GALNTL6: variants seen among roughly 807,000 people sequenced by gnomAD.
The protein encoded by GALNTL6 is polypeptide N-acetylgalactosaminyltransferase-like 6.
Under a neutral mutation model 73.7 loss-of-function variants are expected in GALNTL6, and 46 were observed. The observed-to-expected ratio is 0.62, with a 90% CI of 0.49 to 0.80. The LOEUF (loss-of-function observed/expected upper bound fraction) is 0.80. Among genes scored for constraint, GALNTL6 ranks in the 30% least tolerant of loss-of-function variants. The probability of loss-of-function intolerance (pLI) is 0.00; values close to 1 mark genes in which losing one functional copy is unlikely to be tolerated. For missense variants in GALNTL6, 604 were observed against 755.0 expected, an observed-to-expected ratio of 0.80 and a Z score of 2.34; for synonymous variants, 259 against 263.7, an observed-to-expected ratio of 0.98 and a Z score of 0.17.
intron 5 of GALNTL6, among the ~76,000 whole-genome samples, chr4:172,610,832 A>C (rs1738499164): frequency 6.6e-6 from 1 of 152,040 alleles, no homozygotes; most frequent in Non-Finnish European, 1.5e-5. Context: ...GGCTTTTTAT[A>C]GGTCTCTAAG....
chr4:172,527,382 A>C (rs1215208375), intron 5 of GALNTL6, among the ~76,000 whole-genome samples: 2 of 152,202 alleles, frequency 1.3e-5, no homozygotes, highest in African/African-American at 2.4e-5. Context: ...GTTTGTTTAA[A>C]ATTATTGTAA....
chr4:172,345,819 A>G (rs1218781607), intron 4 of GALNTL6, among the ~76,000 whole-genome samples: 1 of 152,240 alleles, frequency 6.6e-6, no homozygotes, highest in East Asian at 1.9e-4. Context: ...GAAAGTAGCC[A>G]GTAAAAGATG....
chr4:172,008,923 A>G (rs150100519), intron 2 of GALNTL6, among the ~76,000 whole-genome samples: 50 of 152,254 alleles, frequency 3.3e-4, no homozygotes, highest in South Asian at 1.2e-3. Flanking sequence ...AAAGAAACAA[A>G]AAGTTACATG....
intron 2 of GALNTL6, among the ~76,000 whole-genome samples, chr4:172,185,571 C>A (rs1051823214): frequency 6.6e-6 from 1 of 152,162 alleles, no homozygotes; most frequent in Non-Finnish European, 1.5e-5. Flanking sequence ...GATAAATCAT[C>A]TTTTTTGATA....
At chr4:173,022,094 G>A (rs1405331099) in intron 12 of GALNTL6, among the ~76,000 whole-genome samples, 803 of 99,908 alleles carry the variant, frequency 8.0e-3, no homozygotes, top group Non-Finnish European at 0.011. Context: ...AAGGAAAGAA[G>A]GAAGGAAGGA....
At chr4:172,314,600 C>CTTTTTTTT (rs773057515) in intron 4 of GALNTL6, among the ~76,000 whole-genome samples, 19 of 70,712 alleles carry the variant, frequency 2.7e-4, no homozygotes, top group African/African-American at 3.7e-4. Flanking sequence ...AATGCGTAGG[C>CTTTTTTTT]TTTTTTTTTT....
chr4:172,485,260 T>C (rs1233633903), intron 5 of GALNTL6, among the ~76,000 whole-genome samples: 1 of 152,124 alleles, frequency 6.6e-6, no homozygotes, highest in African/African-American at 2.4e-5. Flanking sequence ...GGTGTTTGTG[T>C]ACCACATAGA....
intron 2 of GALNTL6, among the ~76,000 whole-genome samples, chr4:172,209,328 T>C (rs1736250290): frequency 6.6e-6 from 1 of 152,002 alleles, no homozygotes; most frequent in Non-Finnish European, 1.5e-5. Context: ...GAGATTGATA[T>C]TATTTAATAG....
intron 2 of GALNTL6, among the ~76,000 whole-genome samples, chr4:172,161,282 C>A (rs1292516650): frequency 6.6e-6 from 1 of 151,590 alleles, no homozygotes; most frequent in African/African-American, 2.4e-5. Flanking sequence ...TATATGAATA[C>A]CTTTATGTAT....
At chr4:172,214,920 T>C (rs1425900323) in intron 2 of GALNTL6, among the ~76,000 whole-genome samples, 4 of 152,166 alleles carry the variant, frequency 2.6e-5, no homozygotes, top group East Asian at 1.9e-4. Context: ...TCTTTTCTAA[T>C]GTATGCATTA....
At chr4:172,553,348 T>C (rs1443065426) in intron 5 of GALNTL6, among the ~76,000 whole-genome samples, 4 of 152,200 alleles carry the variant, frequency 2.6e-5, no homozygotes, top group Admixed American at 6.6e-5. Context: ...GTCTTGCTAT[T>C]TCTTGAATAG....
At chr4:172,747,410 G>A (rs1737171369) in intron 5 of GALNTL6, among the ~76,000 whole-genome samples, 1 of 151,712 alleles carries the variant, frequency 6.6e-6, no homozygotes, top group African/African-American at 2.4e-5. Context: ...TAGATAAAGT[G>A]GAAAAATGTT....
At chr4:172,380,200 G>T (rs568704976) in intron 5 of GALNTL6, 2 of 1,007,936 alleles carry the variant, frequency 2.0e-6, no homozygotes. Flanking sequence ...GCAGGGCTGG[G>T]GACCACTTAC....
intron 5 of GALNTL6, among the ~76,000 whole-genome samples, chr4:172,466,078 G>A (rs548442676): frequency 1.0e-3 from 156 of 152,182 alleles, no homozygotes; most frequent in African/African-American, 3.0e-3. Flanking sequence ...CATAAAATGC[G>A]TCTTTAATAA....
chr4:172,918,222 C>T (rs1382179067), intron 8 of GALNTL6, among the ~76,000 whole-genome samples: 2 of 151,966 alleles, frequency 1.3e-5, no homozygotes, highest in African/African-American at 2.4e-5. Context: ...GGGAACATCA[C>T]ACATTGGGGC....
chr4:172,804,343 C>T (rs571212823), intron 5 of GALNTL6, among the ~76,000 whole-genome samples: 17 of 152,238 alleles, frequency 1.1e-4, no homozygotes, highest in African/African-American at 3.9e-4. Context: ...TAAGTATCAC[C>T]CGTAATAACT....
At chr4:172,898,449 T>TAA (rs545908855) in intron 8 of GALNTL6, among the ~76,000 whole-genome samples, 5 of 141,616 alleles carry the variant, frequency 3.5e-5, no homozygotes, top group African/African-American at 1.0e-4. Context: ...AGATGGTATT[T>TAA]AAAAAAAAAA....
At chr4:172,568,531 C>G (rs1054014491) in intron 5 of GALNTL6, among the ~76,000 whole-genome samples, 1 of 151,734 alleles carries the variant, frequency 6.6e-6, no homozygotes, top group Admixed American at 6.6e-5. Flanking sequence ...CCGAGGCGGG[C>G]GGATCACGAG....
chr4:172,531,154 G>C (rs1245598385), intron 5 of GALNTL6, among the ~76,000 whole-genome samples: 1 of 152,184 alleles, frequency 6.6e-6, no homozygotes, highest in Non-Finnish European at 1.5e-5. Context: ...TTATATTTCA[G>C]TGAGAATTCT....
Sources: allele counts gnomAD v4.1 joint callset (sites outside exome capture counted in the v4.1 genomes callset), GRCh38; gene constraint gnomAD v4.1.1; transcripts MANE v1.5; gene names NCBI Gene and HGNC (gene_info 2026-07-23, HGNC 2026-07-21).